The following KIT variants were observed in gnomAD, a reference collection of about 807,000 sequenced individuals.
KIT encodes KIT proto-oncogene, receptor tyrosine kinase.
In KIT, 16 loss-of-function variants were observed where a neutral mutation model predicts 105.7. The observed-to-expected ratio is 0.15, with a 90% CI of 0.10 to 0.23. The LOEUF (loss-of-function observed/expected upper bound fraction) is 0.23. Ranked by LOEUF, KIT falls within the 10% of genes least tolerant of loss-of-function variation. The probability of loss-of-function intolerance (pLI) is 1.00; values close to 1 mark genes in which losing one functional copy is unlikely to be tolerated. For missense variants in KIT, 858 were observed against 1,213.8 expected (o/e 0.71, Z 4.36); for synonymous variants, 438 against 441.1 (o/e 0.99, Z 0.09).
intron 1 of KIT, among the ~76,000 whole-genome samples, chr4:54,661,762 T>G (rs1717288599): frequency 6.6e-6 from 1 of 151,778 alleles, no homozygotes; most frequent in Non-Finnish European, 1.5e-5. Context: ...TGGGGAAGAG[T>G]TAGAGGAGGT....
At position 54,664,888 on chromosome 4, in the gene KIT, T is replaced by C. The variant is rs1389907073; in HGVS notation, c.67+6807T>C. Among the ~76,000 whole-genome samples the C allele has an allele frequency of 6.1e-5, 8 of 132,110 alleles. No homozygotes were observed. The Admixed American group carries it at 6.6e-4, about 11-fold the overall frequency. 86.7% of individuals were successfully genotyped at this position (132,110 alleles called of 152,430 possible). ...CAGATGTAAGCCACCACACCTGGCC[T>C]GTTTTTTTTTTTTTTAATAGTAAAA... On this transcript the variant is annotated intron_variant, in intron 1 of 20. Coordinates refer to ENST00000288135, the MANE Select transcript of KIT (RefSeq NM_000222.3).
At chr4:54,664,835 G>T (rs1198498717) in intron 1 of KIT, among the ~76,000 whole-genome samples, 1 of 148,522 alleles carries the variant, frequency 6.7e-6, no homozygotes, top group African/African-American at 2.5e-5. Flanking sequence ...CGATCCCCCA[G>T]CCTCAGCCTC....
intron 7 of KIT, among the ~76,000 whole-genome samples, chr4:54,717,736 A>C (rs1027475710): frequency 3.3e-5 from 5 of 152,148 alleles, no homozygotes; most frequent in Non-Finnish European, 7.4e-5. Flanking sequence ...ATAGGGACAT[A>C]ATGTTTCCAT....
chr4:54,695,694 A>T lies in KIT; in HGVS notation c.250A>T (p.Thr84Ser), dbSNP rs1060502560. The T allele has an allele frequency of 6.2e-7, 1 of 1,614,256 alleles. No homozygotes were observed. Among genetic ancestry groups the T allele is most frequent in the Non-Finnish European group, 8.5e-7 (1 of 1,180,046 alleles). ...TNENKQNEWI[T>S]EKAEATNTGK... ...TGAGAATAAGCAGAATGAATGGATC[A>T]CGGAAAAGGCAGAAGCCACCAACAC... is the stretch of plus-strand genomic sequence containing the variant. The change falls in exon 2 of 21, where the codon ACG (threonine) becomes TCG (serine). Residue 84 changes from threonine to serine, a missense_variant. Physicochemically the swap from Thr to Ser is moderately conservative, Grantham distance 58. Coordinates refer to ENST00000288135, the MANE Select transcript of KIT (RefSeq NM_000222.3).
At chr4:54,731,564 TA>T (rs1395188909) in intron 15 of KIT, 145 bp downstream of exon 15, 4 of 745,032 alleles carry the variant, frequency 5.4e-6, no homozygotes. Flanking sequence ...CAATGGCAGT[TA>T]GGGTTGCAAG....
Position 54,723,662 on chromosome 4 carries a change from C to A in KIT, c.1310C>A (p.Thr437Lys). 1 of 1,613,750 alleles carries A rather than the reference C, an allele frequency of 6.2e-7. No homozygotes were observed. The highest frequency in any genetic ancestry group is 8.5e-7 in the Non-Finnish European group (1 of 1,179,726). Residue 437 changes from threonine (T) to lysine (K), a missense_variant, in exon 8 of 21, where the codon ACA becomes AAA. Physicochemically the swap from Thr to Lys is moderately conservative, Grantham distance 78. Coordinates refer to ENST00000288135, the MANE Select transcript of KIT (RefSeq NM_000222.3). Reference sequence around the variant, plus strand: ...GTGGCAGCAGGATTCCCAGAGCCCACAATAGATTGGTATTTTTGTCCAGGA... The same window carrying A: ...GTGGCAGCAGGATTCCCAGAGCCCAAAATAGATTGGTATTTTTGTCCAGGA... ...QCVAAGFPEPTIDWYFCPGTE... is the reference protein window; with the variant it reads ...QCVAAGFPEPKIDWYFCPGTE...
chr4:54,737,468 T>C (rs1722991205), intron 20 of KIT, among the ~76,000 whole-genome samples, 188 bp downstream of exon 20: 1 of 152,168 alleles, frequency 6.6e-6, no homozygotes, highest in African/African-American at 2.4e-5. Context: ...CCTCCTGTTC[T>C]GAGCCAAAGA....
chr4:54,735,283 C>A (rs17084730), intron 17 of KIT, among the ~76,000 whole-genome samples: 2,873 of 149,418 alleles, frequency 0.019, 95 homozygotes, highest in African/African-American at 0.067. Flanking sequence ...CTTATAGGAA[C>A]TTTAGCACAA....
At chr4:54,730,297 C>G (rs969532286) in intron 14 of KIT, among the ~76,000 whole-genome samples, 1 of 152,060 alleles carries the variant, frequency 6.6e-6, no homozygotes, top group African/African-American at 2.4e-5. Context: ...GTAGATTTCT[C>G]CTATCCTTTT....
intron 5 of KIT, among the ~76,000 whole-genome samples, chr4:54,705,873 C>T (rs1720756197): frequency 6.6e-6 from 1 of 152,062 alleles, no homozygotes; most frequent in South Asian, 2.1e-4. Context: ...CAGAGGGATA[C>T]CCTGTTTCAA....
At chr4:54,704,502 C>G (rs1720657810) in intron 5 of KIT, among the ~76,000 whole-genome samples, 1 of 151,918 alleles carries the variant, frequency 6.6e-6, no homozygotes, top group Non-Finnish European at 1.5e-5. Flanking sequence ...GTAATCTGTC[C>G]CCGGACCCCA....
rs112972811 is a variant in KIT, at chr4:54,738,623, T to G, written c.*66T>G. ...TTCTTTTGGCTTCCATGATGGTTAT[T>G]TTCTTTTCTTTCAACTTGCATCCAA... On this transcript the variant is annotated 3_prime_UTR_variant, in exon 21 of 21. Transcript: ENST00000288135. The G allele has an allele frequency of 1.7e-3, 2,688 of 1,590,990 alleles. 51 individuals are homozygous for G. The African/African-American group carries it at 0.031, about 18-fold the overall frequency.
At chr4:54,672,164 G>A (rs1252330796) in intron 1 of KIT, among the ~76,000 whole-genome samples, 1 of 152,184 alleles carries the variant, frequency 6.6e-6, no homozygotes, top group Non-Finnish European at 1.5e-5. Flanking sequence ...TTCTCTGTAG[G>A]TGTTAGCCCC....
intron 17 of KIT, 71 bp downstream of exon 17, chr4:54,733,263 C>G: frequency 1.3e-6 from 2 of 1,541,636 alleles, no homozygotes; most frequent in Non-Finnish European, 1.8e-6. Context: ...AAAATTGTTT[C>G]CTGTGATTTT....
At chr4:54,713,951 C>G (rs897186086) in intron 7 of KIT, among the ~76,000 whole-genome samples, 1 of 152,006 alleles carries the variant, frequency 6.6e-6, no homozygotes, top group African/African-American at 2.4e-5. Flanking sequence ...GGCCAAGAGC[C>G]ATTATAACAT....
Position 54,738,499 on chromosome 4 carries a change from A to G in KIT, c.2873A>G (p.Asn958Ser), listed in dbSNP as rs1060502563. Residue 958 changes from asparagine to serine, a missense_variant, in exon 21 of 21, where the codon AAT (asparagine) becomes AGT (serine). Around this residue, in one of 7 missense-constraint regions of KIT, gnomAD observed 105 missense variants for 103.5 expected, o/e 1.01. Transcript: ENST00000288135. ...KPVVDHSVRINSVGSTASSSQ... is the reference protein window; with the variant it reads ...KPVVDHSVRISSVGSTASSSQ... ...GTGGTAGACCATTCTGTGCGGATCAATTCTGTCGGCAGCACCGCTTCCTCC... is the reference window on the plus strand; with the variant it reads ...GTGGTAGACCATTCTGTGCGGATCAGTTCTGTCGGCAGCACCGCTTCCTCC... 9.3e-6 allele frequency: 15 copies of G among 1,613,984 alleles called. No individual in the cohort carries two copies. The highest frequency in any genetic ancestry group is 6.7e-5 in the East Asian group (3 of 44,866).
intron 8 of KIT, among the ~76,000 whole-genome samples, chr4:54,723,994 T>C (rs1722062252): frequency 6.6e-6 from 1 of 152,216 alleles, no homozygotes; most frequent in South Asian, 2.1e-4. Flanking sequence ...GACAGAGTAA[T>C]TAGATTTCCA....
intron 1 of KIT, among the ~76,000 whole-genome samples, chr4:54,667,856 A>G (rs762509406): frequency 6.6e-5 from 10 of 152,214 alleles, no homozygotes; most frequent in Non-Finnish European, 1.3e-4. Context: ...TGTTCGATGC[A>G]CATCCAGTAT....
At chr4:54,725,168 G>C (rs1722139095) in intron 8 of KIT, among the ~76,000 whole-genome samples, 2 of 152,116 alleles carry the variant, frequency 1.3e-5, no homozygotes, top group Admixed American at 6.5e-5. Context: ...GCAATGGAGT[G>C]ATCTTGGCTC....
Sources: allele counts gnomAD v4.1 joint callset (sites outside exome capture counted in the v4.1 genomes callset), GRCh38; gene constraint gnomAD v4.1.1; regional missense constraint gnomAD v4.1.1; transcripts MANE v1.5; gene names NCBI Gene and HGNC (gene_info 2026-07-23, HGNC 2026-07-21).